The following WDR13 variants were observed in gnomAD, a reference collection of about 807,000 sequenced individuals.
WDR13 encodes WD repeat-containing protein 13.
In WDR13, 1 loss-of-function variant was observed where a neutral mutation model predicts 28.6. That is an observed-to-expected ratio of 0.03 (90% CI 0.01 to 0.17). The LOEUF is 0.17. Among genes scored for constraint, WDR13 ranks in the 10% least tolerant of loss-of-function variants. The pLI is 1.00. For synonymous variants in WDR13, 201 were observed against 185.9 expected, an observed-to-expected ratio of 1.08 and a Z score of -0.66; for missense variants, 264 against 469.3, an observed-to-expected ratio of 0.56 and a Z score of 4.04.
intron 2 of WDR13, chrX:48,598,281 G>T (rs1000783394): frequency 9.3e-7 from 1 of 1,073,511 alleles, no homozygotes; most frequent in African/African-American, 1.9e-5. Flanking sequence ...CTGTGAGAGG[G>T]AGGTGGGGCT....
chrX:48,598,240 G>T lies in WDR13; in HGVS notation c.41+203G>T, dbSNP rs1196512133. 6 of 1,097,753 alleles carry T rather than the reference G, an allele frequency of 5.5e-6. No individual in the cohort carries two copies. The Admixed American group carries it at 2.4e-4, about 44-fold the overall frequency. The allele number at this position is 1,097,753 out of a possible 1,213,427, so 90.5% of individuals were successfully genotyped here. On this transcript the variant is annotated intron_variant, in intron 2 of 9. Coordinates refer to ENST00000376729, the MANE Select transcript of WDR13 (RefSeq NM_001347217.2). ...TCTAAACAGCAAGCTGGGAAAATGT[G>T]GTCAGATGTGGGCATGCGCAAAGCG...
rs782278218 is a variant in WDR13 at position 48,607,006 on chromosome X, G to T, written c.*1974G>T. ...GTGAGATAGGGACATCAGTGAGCTG[G>T]ATTGTTCCCATGGTAAAGGTCATGT... On this transcript the variant is annotated 3_prime_UTR_variant, in exon 10 of 10. Coordinates refer to ENST00000376729, the MANE Select transcript of WDR13 (RefSeq NM_001347217.2). 10 of 111,348 alleles carry T rather than the reference G, an allele frequency of 9.0e-5. No individual in the cohort carries two copies. The highest frequency in any genetic ancestry group is 3.3e-4 in the African/African-American group (10 of 30,641). The allele number at this position is 111,348 out of a possible 1,213,427, so 9.2% of individuals were successfully genotyped here.
rs1292297283 is a variant in WDR13 at position 48,597,564 on chromosome X, T to C, written c.-90T>C. Reference sequence around the variant, plus strand: ...GAGAGACAGAAGGAACCGGCGACAGTGGTCTCAGGGCCGCTCCGGGGGGCC... The same window carrying C: ...GAGAGACAGAAGGAACCGGCGACAGCGGTCTCAGGGCCGCTCCGGGGGGCC... On this transcript the variant is annotated 5_prime_UTR_variant, in exon 1 of 10. Coordinates refer to ENST00000376729, the MANE Select transcript of WDR13 (RefSeq NM_001347217.2). 7.6e-6 allele frequency: 1 copy of C among 131,613 alleles called. No individual in the cohort carries two copies. The highest frequency in any genetic ancestry group is 2.2e-4 in the East Asian group (1 of 4,529). The allele number at this position is 131,613 out of a possible 1,213,427, so 10.8% of individuals were successfully genotyped here.
Position 48,598,723 on chromosome X carries a change from C to T in WDR13, c.48C>T (p.Asn16=), listed in dbSNP as rs782532407. The change falls in exon 3 of 10, where the codon AAC becomes AAT. Residue 16 remains asparagine, a synonymous_variant. Coordinates refer to ENST00000376729, the MANE Select transcript of WDR13 (RefSeq NM_001347217.2). The part of the protein sequence containing the change: ...QQVLAVDARY[N]AYRTPTFPQF... ...CTGCATCCTGACCCTGCAGGTACAA[C>T]GCGTACCGCACACCAACGTTTCCAC... 1 of 1,138,147 alleles carries T rather than the reference C, an allele frequency of 8.8e-7. No individual in the cohort carries two copies. The highest frequency in any genetic ancestry group is 1.2e-6 in the Non-Finnish European group (1 of 850,796). The allele number at this position is 1,138,147 out of a possible 1,213,427, so 93.8% of individuals were successfully genotyped here. A position where few individuals can be genotyped will look rare whatever the true frequency, so the allele number is the denominator to read the frequency against.
Position 48,599,487 on chromosome X carries a change from G to A in WDR13, c.392+25G>A, listed in dbSNP as rs377546348. The A allele has an allele frequency of 1.2e-5, 14 of 1,202,759 alleles. No individual in the cohort carries two copies. In the African/African-American group the frequency reaches 1.6e-4, roughly 13 times the overall value. On this transcript the variant is annotated intron_variant, in intron 4 of 9. Transcript: ENST00000376729. ...GGTATGCACCAGAGGCAGCCAAGGC[G>A]GGGGGCGGGTTGCGAGGAGGAGAGG... is the stretch of plus-strand genomic sequence containing the variant.
chrX:48,605,077 T>G lies in WDR13; in HGVS notation c.*45T>G, dbSNP rs1556995704. On this transcript the variant is annotated 3_prime_UTR_variant, in exon 10 of 10. Transcript: ENST00000376729. ...CTGTCCTCCATCCCACCCCTCTTAC[T>G]CCAGCCTCGTGTTGTAAATAAAGTT... The G allele has an allele frequency of 2.6e-6, 3 of 1,159,733 alleles. No individual in the cohort carries two copies. Among genetic ancestry groups the G allele is most frequent in the Admixed American group, 2.4e-5 (1 of 41,487 alleles).
chrX:48,597,685 G>A (rs1299719720), intron 1 of WDR13, 71 bp downstream of exon 1: 26 of 302,233 alleles, frequency 8.6e-5, no homozygotes, highest in Non-Finnish European at 1.5e-4. Context: ...GACAAGATGG[G>A]TGGAGAATGT....
rs1481036079 is a variant in WDR13, at chrX:48,606,372, T to G, written c.*1340T>G. The G allele has an allele frequency of 4.5e-5, 5 of 110,667 alleles. No homozygotes were observed. Among genetic ancestry groups the G allele is most frequent in the African/African-American group, 1.6e-4 (5 of 30,309 alleles). The allele number at this position is 110,667 out of a possible 1,213,427, so 9.1% of individuals were successfully genotyped here. A position where few individuals can be genotyped will look rare whatever the true frequency, so the allele number is the denominator to read the frequency against. ...ATTCCCAACCCTTCTGTGCATTGTG[T>G]TGTTTATTAAAAGCAGGGAGCAGAG... On this transcript the variant is annotated 3_prime_UTR_variant, in exon 10 of 10. Coordinates refer to ENST00000376729, the MANE Select transcript of WDR13 (RefSeq NM_001347217.2).
At position 48,607,419 on chromosome X, in the gene WDR13, ATGCAGTGGCATGATCTTGGCTCAC is replaced by A. The variant is rs2062228161; in HGVS notation, c.*2393_*2416del. On this transcript the variant is annotated 3_prime_UTR_variant, in exon 10 of 10. Transcript: ENST00000376729. ...GTCTTGCTCTGACGCCCAGGCTGGA[ATGCAGTGGCATGATCTTGGCTCAC>A]TGCAGCCTCCACCTCCTGGGTTCAA... 1 of 83,884 alleles carries A rather than the reference ATGCAGTGGCATGATCTTGGCTCAC, an allele frequency of 1.2e-5. No individual in the cohort carries two copies. The highest frequency in any genetic ancestry group is 4.4e-5 in the African/African-American group (1 of 22,801). 6.9% of individuals were successfully genotyped at this position (83,884 alleles called of 1,213,427 possible).
In WDR13 at chrX:48,607,000, G is replaced by A. The variant is rs185862569; in HGVS notation, c.*1968G>A. On this transcript the variant is annotated 3_prime_UTR_variant, in exon 10 of 10. Transcript: ENST00000376729. The stretch of plus-strand genomic sequence containing the variant: ...ATGGTGGTGAGATAGGGACATCAGT[G>A]AGCTGGATTGTTCCCATGGTAAAGG... 1.8e-5 allele frequency: 2 copies of A among 111,335 alleles called. No individual in the cohort carries two copies. The highest frequency in any genetic ancestry group is 6.5e-5 in the African/African-American group (2 of 30,664). The allele number at this position is 111,335 out of a possible 1,213,427, so 9.2% of individuals were successfully genotyped here. A position where few individuals can be genotyped will look rare whatever the true frequency, so the allele number is the denominator to read the frequency against.
chrX:48,598,161 G>A, intron 2 of WDR13, 124 bp downstream of exon 2: 1 of 1,133,345 alleles, frequency 8.8e-7, no homozygotes, highest in Middle Eastern at 2.5e-4. Context: ...AGGTGAGCAT[G>A]CGCAGTAGCG....
At position 48,606,874 on chromosome X, in the gene WDR13, G is replaced by A. The variant is rs2062223813; in HGVS notation, c.*1842G>A. ...CTCGCACCAACAGTCTTGTTGGAGG[G>A]AAATAATCTCCCGTTTGTTCAGTCC... On this transcript the variant is annotated 3_prime_UTR_variant, in exon 10 of 10. Transcript: ENST00000376729. 8.9e-6 allele frequency: 1 copy of A among 111,901 alleles called. No homozygotes were observed. Among genetic ancestry groups the A allele is most frequent in the Non-Finnish European group, 1.9e-5 (1 of 53,176 alleles). 9.2% of individuals were successfully genotyped at this position (111,901 alleles called of 1,213,427 possible). A position where few individuals can be genotyped will look rare whatever the true frequency, so the allele number is the denominator to read the frequency against.
chrX:48,602,532 CT>C (rs55822629), intron 8 of WDR13, among the ~76,000 whole-genome samples: 17,611 of 83,671 alleles, frequency 0.21, 1,964 homozygotes, highest in East Asian at 0.35. Context: ...TCCTTCCTTC[CT>C]TTTTTTTTTT....
chrX:48,600,755 G>A (rs1268214071), intron 6 of WDR13, 129 bp downstream of exon 6: 16 of 771,645 alleles, frequency 2.1e-5, no homozygotes, highest in Admixed American at 7.0e-5. Context: ...ACCCAATCTC[G>A]TCAGAGCAGT....
chrX:48,598,255 T>A (rs1256434152), intron 2 of WDR13: 1 of 1,082,436 alleles, frequency 9.2e-7, no homozygotes, highest in East Asian at 3.6e-5. Flanking sequence ...GATGTGGGCA[T>A]GCGCAAAGCG....
At chrX:48,598,417 C>T (rs1032682356) in intron 2 of WDR13, 7 of 1,011,315 alleles carry the variant, frequency 6.9e-6, no homozygotes, top group African/African-American at 5.9e-5. Context: ...TGATTTCTGT[C>T]GCCCTGGTAT....
At chrX:48,599,902 C>T in intron 5 of WDR13, 185 bp downstream of exon 5, 1 of 627,545 alleles carries the variant, frequency 1.6e-6, no homozygotes, top group Non-Finnish European at 2.4e-6. Flanking sequence ...CTGGAAAGGG[C>T]CTCAGAAGCC....
In WDR13 at chrX:48,604,373, G is replaced by A. The variant is rs1302662879; in HGVS notation, c.1256G>A (p.Arg419His). The change falls in exon 9 of 10, where the codon CGC becomes CAC. Residue 419 changes from arginine to histidine, a missense_variant. Arg to His is a conservative substitution (Grantham distance 29). Transcript: ENST00000376729. ...ATCTTCTGTCCCCTCATGTCCTTCC[G>A]CCAGGGGGCCTGCGTGGGTGAGTCC... is the stretch of plus-strand genomic sequence containing the variant. ...RSIFCPLMSF[R>H]QGACVVTGSE... 3.3e-6 allele frequency: 4 copies of A among 1,208,219 alleles called. No homozygotes were observed. The highest frequency in any genetic ancestry group is 3.5e-5 in the African/African-American group (2 of 57,286).
chrX:48,601,955 A>G lies in WDR13; in HGVS notation c.1003A>G (p.Met335Val). 8.4e-7 allele frequency: 1 copy of G among 1,192,160 alleles called. No individual in the cohort carries two copies. Among genetic ancestry groups the G allele is most frequent in the Non-Finnish European group, 1.1e-6 (1 of 883,484 alleles). The part of the protein sequence containing the change: ...RGSVFSFLFD[M>V]ATGKLTKAKR... ...CAGTGTCTTCTCTTTCCTCTTTGAT[A>G]TGGCCACAGGTAGGCAGACAGCAGG... is the stretch of plus-strand genomic sequence containing the variant. Residue 335 changes from methionine to valine, a missense_variant, in exon 7 of 10, where the codon ATG becomes GTG. Coordinates refer to ENST00000376729, the MANE Select transcript of WDR13 (RefSeq NM_001347217.2).
Sources: gnomAD v4.1 joint callset for allele counts (sites outside exome capture counted in the v4.1 genomes callset) on GRCh38, gnomAD v4.1.1 for gene constraint, MANE v1.5 for transcripts, NCBI Gene and HGNC (gene_info 2026-07-23, HGNC 2026-07-21) for gene names.